Variants in ARHGEF11 observed in about 807,000 individuals in gnomAD.
The protein encoded by ARHGEF11 is Rho guanine exchange factor (GEF) 11.
A neutral mutation model predicts 193.7 loss-of-function variants in ARHGEF11; 55 were observed. The ratio of observed to expected loss-of-function variants is 0.28; its 90% CI spans 0.23 to 0.36. ARHGEF11 has a LOEUF of 0.36. Among genes scored for constraint, ARHGEF11 ranks in the 10% least tolerant of loss-of-function variants. The pLI is 1.00. For missense variants in ARHGEF11, 1,723 were observed against 2,005.6 expected (o/e 0.86, Z 2.69); for synonymous variants, 693 against 768.0 (o/e 0.90, Z 1.62).
chr1:157,007,553 T>G (rs1667974724), intron 1 of ARHGEF11, among the ~76,000 whole-genome samples: 1 of 151,994 alleles, frequency 6.6e-6, no homozygotes, highest in Non-Finnish European at 1.5e-5. Context: ...AACAGAATGA[T>G]GGGGTTGTGC....
At chr1:157,039,033 CA>C (rs1672414822) in intron 1 of ARHGEF11, among the ~76,000 whole-genome samples, 1 of 152,098 alleles carries the variant, frequency 6.6e-6, no homozygotes, top group African/African-American at 2.4e-5. Flanking sequence ...AAACAAAAAA[CA>C]AAACCACCTT....
intron 1 of ARHGEF11, among the ~76,000 whole-genome samples, chr1:157,026,271 C>T (rs542685252): frequency 6.6e-6 from 1 of 152,334 alleles, no homozygotes; most frequent in Admixed American, 6.5e-5. Flanking sequence ...AGCTACCTTC[C>T]TGTCCTTTTG....
chr1:156,980,478 C>A lies in ARHGEF11; in HGVS notation c.232G>T (p.Ala78Ser). Residue 78 changes from alanine (A) to serine (S), a missense_variant, in exon 4 of 41, where the codon GCC (alanine) becomes TCC (serine). Ala to Ser is a moderately conservative substitution (Grantham distance 99). Around this residue, in one of 5 missense-constraint regions of ARHGEF11, gnomAD observed 646 missense variants for 710.7 expected, o/e 0.91. Transcript: ENST00000368194. ...LVQSVRPGGA[A>S]MKAGVKEGDR... Reference sequence around the variant, plus strand: ...CCCTCTTTCACACCGGCCTTCATGGCTGCACCTCCTGTAAGGAGAAGGCCT... The same window carrying A: ...CCCTCTTTCACACCGGCCTTCATGGATGCACCTCCTGTAAGGAGAAGGCCT... The A allele has an allele frequency of 6.3e-7, 1 of 1,596,980 alleles. No homozygotes were observed. The highest frequency in any genetic ancestry group is 1.1e-5 in the South Asian group (1 of 87,840).
intron 11 of ARHGEF11, among the ~76,000 whole-genome samples, chr1:156,966,318 T>A (rs1316709534): frequency 6.6e-6 from 1 of 152,238 alleles, no homozygotes; most frequent in African/African-American, 2.4e-5. Flanking sequence ...CTGTTGACCA[T>A]GACTTCTAAT....
chr1:157,024,706 T>C (rs1670432423), intron 1 of ARHGEF11, among the ~76,000 whole-genome samples: 1 of 151,828 alleles, frequency 6.6e-6, no homozygotes, highest in African/African-American at 2.4e-5. Flanking sequence ...AAAAGCCGTA[T>C]TAAAGATAAA....
intron 1 of ARHGEF11, among the ~76,000 whole-genome samples, chr1:157,006,597 G>A (rs974636330): frequency 6.6e-6 from 1 of 152,208 alleles, no homozygotes; most frequent in Non-Finnish European, 1.5e-5. Flanking sequence ...GCCCTCTGGT[G>A]CAGAAGACAG....
At chr1:156,979,415 G>C (rs950289063) in intron 4 of ARHGEF11, 129 bp from the exon 5 acceptor site, 1 of 658,620 alleles carries the variant, frequency 1.5e-6, no homozygotes, top group Non-Finnish European at 2.5e-6. Context: ...ACCCAGGCTG[G>C]AGTGCAGTGG....
chr1:156,977,180 T>C, intron 6 of ARHGEF11, 126 bp from the exon 7 acceptor site: 1 of 812,726 alleles, frequency 1.2e-6, no homozygotes, highest in Non-Finnish European at 2.1e-6. Flanking sequence ...GTATGTTTTA[T>C]TCAGTACCTT....
At chr1:156,949,116 T>C (rs1196615512) in intron 22 of ARHGEF11, 2 of 985,308 alleles carry the variant, frequency 2.0e-6, no homozygotes, top group Non-Finnish European at 2.4e-6. Context: ...CATTCTTATC[T>C]TAACAATACT....
chr1:157,044,603 C>T lies in ARHGEF11; in HGVS notation c.-273G>A, dbSNP rs1010213822. 15 of 497,962 alleles carry T rather than the reference C, an allele frequency of 3.0e-5. No individual in the cohort carries two copies. The highest frequency in any genetic ancestry group is 7.7e-5 in the African/African-American group (4 of 51,950). The allele number at this position is 497,962 out of a possible 1,614,324, so 30.8% of individuals were successfully genotyped here. On this transcript the variant is annotated 5_prime_UTR_variant, in exon 1 of 41. Coordinates refer to ENST00000368194, the MANE Select transcript of ARHGEF11 (RefSeq NM_198236.3). ...GAAAAAAAAAGGAAAAGAGGAAAAA[C>T]TACGACCTTCTCAGAAACCAAAAAC... is the stretch of plus-strand genomic sequence containing the variant.
At chr1:156,946,347 C>A (rs1480169928) in intron 28 of ARHGEF11, among the ~76,000 whole-genome samples, 185 bp from the exon 29 acceptor site, 1 of 152,154 alleles carries the variant, frequency 6.6e-6, no homozygotes, top group Non-Finnish European at 1.5e-5. Context: ...CAGGGAGACA[C>A]CAATCCAAAG....
intron 1 of ARHGEF11, among the ~76,000 whole-genome samples, chr1:156,999,063 C>T (rs1280023335): frequency 1.3e-5 from 2 of 152,184 alleles, no homozygotes; most frequent in African/African-American, 4.8e-5. Context: ...GCGGGCCCTT[C>T]TGACAAGAGG....
chr1:157,046,197 C>T (rs1004604666), upstream of ARHGEF11, among the ~76,000 whole-genome samples: 2 of 151,036 alleles, frequency 1.3e-5, no homozygotes, highest in African/African-American at 2.4e-5. Flanking sequence ...GACCCCGGCC[C>T]TGACCCCGCC....
Position 156,948,490 on chromosome 1 carries a change from G to A in ARHGEF11, c.1934C>T (p.Ser645Leu). The A allele has an allele frequency of 6.2e-7, 1 of 1,614,182 alleles. No homozygotes were observed. Residue 645 changes from serine to leucine, a missense_variant, in exon 23 of 41, where the codon TCA becomes TTA. Physicochemically the swap from Ser to Leu is moderately radical, Grantham distance 145. Coordinates refer to ENST00000368194, the MANE Select transcript of ARHGEF11 (RefSeq NM_198236.3). The surrounding 1 kb of genome is among the most constrained non-coding windows in gnomAD (Gnocchi z 4.2). ...EDLLESDSSR[S>L]EIRLGRSESL... ...TTCAGAGCGGCCCAGGCGAATCTCT[G>A]AGCGTGAACTGGGGGGAAGGGACAA...
chr1:157,003,315 A>AT (rs1483321549), intron 1 of ARHGEF11, among the ~76,000 whole-genome samples: 1 of 152,210 alleles, frequency 6.6e-6, no homozygotes, highest in Non-Finnish European at 1.5e-5. Flanking sequence ...CTCACCATCC[A>AT]TTTGACTTTG....
chr1:156,945,969 G>T, intron 29 of ARHGEF11, 76 bp downstream of exon 29: 3 of 1,217,964 alleles, frequency 2.5e-6, no homozygotes, highest in Non-Finnish European at 2.4e-6. Context: ...ACTTGCTAAG[G>T]TCACAAAGCA....
intron 1 of ARHGEF11, among the ~76,000 whole-genome samples, chr1:157,031,282 C>G (rs1046168093): frequency 6.6e-6 from 1 of 152,158 alleles, no homozygotes; most frequent in South Asian, 2.1e-4. Context: ...TCTCTCCCCC[C>G]GTATCTTGCC....
chr1:156,946,296 G>C, intron 28 of ARHGEF11, 134 bp from the exon 29 acceptor site: 1 of 714,428 alleles, frequency 1.4e-6, no homozygotes, highest in Non-Finnish European at 2.4e-6. Flanking sequence ...AATGGCAGTG[G>C]AAGCTTCTTC....
chr1:156,961,050 C>T (rs1660756585), intron 14 of ARHGEF11, among the ~76,000 whole-genome samples: 1 of 152,246 alleles, frequency 6.6e-6, no homozygotes, highest in African/African-American at 2.4e-5. Flanking sequence ...ACCTCATTAA[C>T]CCTACTAGCT....
Sources: allele counts gnomAD v4.1 joint callset (sites outside exome capture counted in the v4.1 genomes callset), GRCh38; gene constraint gnomAD v4.1.1; regional missense constraint gnomAD v4.1.1; non-coding constraint Gnocchi (gnomAD v3.1); transcripts MANE v1.5; gene names NCBI Gene and HGNC (gene_info 2026-07-23, HGNC 2026-07-21).